The following CADPS variants were observed in gnomAD, a reference collection of about 807,000 sequenced individuals.
CADPS encodes calcium dependent secretion activator.
In CADPS, 57 loss-of-function variants were observed where a neutral mutation model predicts 167.3. The ratio of observed to expected loss-of-function variants is 0.34; its 90% CI spans 0.28 to 0.42. The LOEUF is 0.42. Ranked by LOEUF, CADPS falls within the 20% of genes least tolerant of loss-of-function variation. The pLI is 1.00. For synonymous variants in CADPS, 676 were observed against 635.3 expected (o/e 1.06, Z -0.96); for missense variants, 1,414 against 1,738.1 (o/e 0.81, Z 3.32).
At chr3:62,605,113 G>T (rs931594658) in intron 6 of CADPS, among the ~76,000 whole-genome samples, 1 of 152,206 alleles carries the variant, frequency 6.6e-6, no homozygotes, top group African/African-American at 2.4e-5. Flanking sequence ...AGACTCAAAA[G>T]TTTACAAAAC....
Position 62,696,522 on chromosome 3 carries a change from G to T in CADPS, c.889-34128C>A, listed in dbSNP as rs1032164618. Reference sequence around the variant, plus strand: ...CCCAGCATCTCTCCTCTGAGGGCTGGTTTTTCTTTGTGTGCCTCTACCCTC... The same window carrying T: ...CCCAGCATCTCTCCTCTGAGGGCTGTTTTTTCTTTGTGTGCCTCTACCCTC... On this transcript the variant is annotated intron_variant, in intron 3 of 29. Coordinates refer to ENST00000383710, the MANE Select transcript of CADPS (RefSeq NM_003716.4). 2.8e-4 allele frequency among the ~76,000 whole-genome samples: 42 copies of T among 152,046 alleles called. 1 individual carries two copies. The highest frequency in any genetic ancestry group is 1.0e-3 in the African/African-American group (42 of 41,366).
intron 1 of CADPS, among the ~76,000 whole-genome samples, chr3:62,803,460 A>C: frequency 6.6e-6 from 1 of 150,486 alleles, no homozygotes; most frequent in Non-Finnish European, 1.5e-5. Context: ...GGTGAGGGGG[A>C]GACTGCTACT....
intron 6 of CADPS, among the ~76,000 whole-genome samples, chr3:62,594,143 ATTTTT>A (rs1237607335): frequency 1.4e-5 from 2 of 144,706 alleles, no homozygotes; most frequent in East Asian, 2.1e-4. Flanking sequence ...TTTTTTATTT[ATTTTT>A]TTTATTTTTT....
At chr3:62,828,478 C>T (rs576587547) in intron 1 of CADPS, among the ~76,000 whole-genome samples, 28 of 152,210 alleles carry the variant, frequency 1.8e-4, no homozygotes, top group African/African-American at 6.7e-4. Flanking sequence ...ATAGCTTTTG[C>T]CATAACGGCT....
intron 10 of CADPS, among the ~76,000 whole-genome samples, chr3:62,555,168 A>G (rs551117382): frequency 1.4e-4 from 21 of 152,384 alleles, no homozygotes; most frequent in African/African-American, 4.1e-4. Context: ...AGCACATGGA[A>G]AGATAGAAGA....
At chr3:62,829,079 T>A (rs951225257) in intron 1 of CADPS, among the ~76,000 whole-genome samples, 2 of 152,120 alleles carry the variant, frequency 1.3e-5, no homozygotes, top group Non-Finnish European at 2.9e-5. Flanking sequence ...CATATCAACA[T>A]CTTAGGGACC....
intron 17 of CADPS, chr3:62,500,727 A>G (rs1481530237): frequency 6.6e-6 from 1 of 152,236 alleles, no homozygotes; most frequent in Non-Finnish European, 1.5e-5. Context: ...ATTACCTATT[A>G]CTAAATAGGA....
intron 6 of CADPS, among the ~76,000 whole-genome samples, chr3:62,617,355 T>G (rs1050246407): frequency 3.9e-5 from 6 of 152,000 alleles, no homozygotes; most frequent in Admixed American, 6.6e-5. Context: ...GGAAAAAAAA[T>G]ATATGGATGA....
chr3:62,729,731 T>C (rs2077407826), intron 3 of CADPS, among the ~76,000 whole-genome samples: 1 of 151,918 alleles, frequency 6.6e-6, no homozygotes, highest in Non-Finnish European at 1.5e-5. Context: ...TGTTGTTTTC[T>C]GCCAAGTGCT....
At chr3:62,498,868 C>T (rs1358024544) in intron 18 of CADPS, among the ~76,000 whole-genome samples, 1 of 117,730 alleles carries the variant, frequency 8.5e-6, no homozygotes. Flanking sequence ...GTGTTCTGGA[C>T]AATGGTAACC....
At chr3:62,506,076 G>A (rs1040637500) in intron 17 of CADPS, among the ~76,000 whole-genome samples, 1 of 152,082 alleles carries the variant, frequency 6.6e-6, no homozygotes, top group Non-Finnish European at 1.5e-5. Flanking sequence ...ATAACATCAG[G>A]TTTCTTAATG....
chr3:62,491,549 A>G, intron 20 of CADPS, 69 bp from the exon 21 acceptor site: 2 of 894,106 alleles, frequency 2.2e-6, no homozygotes, highest in Non-Finnish European at 3.4e-6. Context: ...ACACACACAC[A>G]CACACACAAA....
At chr3:62,576,874 T>C (rs1272958938) in intron 8 of CADPS, among the ~76,000 whole-genome samples, 1 of 142,418 alleles carries the variant, frequency 7.0e-6, no homozygotes, top group Non-Finnish European at 1.5e-5. Context: ...GGAAGGAAAG[T>C]GAGGTACACA....
chr3:62,753,898 C>T lies in CADPS; in HGVS notation c.556-125G>A. On this transcript the variant is annotated intron_variant, in intron 2 of 29. Transcript: ENST00000383710. This position sits in a 1 kb window ranked among gnomAD's most constrained non-coding sequence, Gnocchi z 4.6. ...CCAGGAGGAACCACTGTGGGTCTCA[C>T]CCTGCCCCACCACCTCCTGGCTGTG... 5 of 802,620 alleles carry T rather than the reference C, an allele frequency of 6.2e-6. No individual in the cohort carries two copies. Among genetic ancestry groups the T allele is most frequent in the Non-Finnish European group, 9.8e-6 (5 of 510,668 alleles). 49.7% of individuals were successfully genotyped at this position (802,620 alleles called of 1,614,324 possible). A position where few individuals can be genotyped will look rare whatever the true frequency, so the allele number is the denominator to read the frequency against.
intron 26 of CADPS, among the ~76,000 whole-genome samples, chr3:62,447,445 T>A (rs1235774686): frequency 6.6e-6 from 1 of 151,710 alleles, no homozygotes; most frequent in Non-Finnish European, 1.5e-5. Context: ...TCAGCCGAAA[T>A]TTTTTTTTGT....
intron 24 of CADPS, among the ~76,000 whole-genome samples, chr3:62,471,301 G>A (rs984510030): frequency 7.2e-5 from 11 of 152,252 alleles, no homozygotes; most frequent in South Asian, 6.2e-4. Context: ...AGAAGGGTCC[G>A]CCATTGTGAT....
chr3:62,823,669 G>C (rs948178228), intron 1 of CADPS, among the ~76,000 whole-genome samples: 1 of 152,082 alleles, frequency 6.6e-6, no homozygotes. Flanking sequence ...CCTCCCAAAG[G>C]CCTAATCCTT....
chr3:62,748,864 C>T (rs1008457731), intron 3 of CADPS, among the ~76,000 whole-genome samples: 1 of 152,150 alleles, frequency 6.6e-6, no homozygotes, highest in African/African-American at 2.4e-5. Context: ...CATGCCACCA[C>T]ACCCAGCTAG....
chr3:62,839,808 G>A (rs911534629), intron 1 of CADPS, among the ~76,000 whole-genome samples: 29 of 152,174 alleles, frequency 1.9e-4, no homozygotes, highest in African/African-American at 6.0e-4. Flanking sequence ...GAAGGCAGAT[G>A]CATCAAACAG....
Sources: gnomAD v4.1 joint callset for allele counts (sites outside exome capture counted in the v4.1 genomes callset) on GRCh38, gnomAD v4.1.1 for gene constraint, Gnocchi (gnomAD v3.1) non-coding constraint, MANE v1.5 for transcripts, NCBI Gene and HGNC (gene_info 2026-07-23, HGNC 2026-07-21) for gene names.